PLA2G4A: variants seen among roughly 807,000 people sequenced by gnomAD.
The protein encoded by PLA2G4A is cytosolic phospholipase A2.
A neutral mutation model predicts 81.9 loss-of-function variants in PLA2G4A; 40 were observed. That is an observed-to-expected ratio of 0.49 (90% CI 0.38 to 0.64). The LOEUF is 0.64. PLA2G4A is among the 30% of genes least tolerant of loss of function. The probability of loss-of-function intolerance (pLI) is 0.00; values close to 1 mark genes in which losing one functional copy is unlikely to be tolerated. For missense variants in PLA2G4A, 715 were observed against 905.1 expected (o/e 0.79, Z 2.69); for synonymous variants, 302 against 296.9 (o/e 1.02, Z -0.18).
At chr1:186,849,742 C>T (rs1652308732) in intron 1 of PLA2G4A, among the ~76,000 whole-genome samples, 1 of 152,000 alleles carries the variant, frequency 6.6e-6, no homozygotes, top group South Asian at 2.1e-4. Context: ...ACTCTATTTC[C>T]AATTGTTTCT....
intron 7 of PLA2G4A, among the ~76,000 whole-genome samples, chr1:186,928,474 C>G (rs1394630421): frequency 6.6e-6 from 1 of 152,288 alleles, no homozygotes; most frequent in South Asian, 2.1e-4. Context: ...AATTCTCCAG[C>G]AGACTTCCCT....
chr1:186,938,235 A>G (rs1004278963), intron 8 of PLA2G4A, among the ~76,000 whole-genome samples: 16 of 152,192 alleles, frequency 1.1e-4, no homozygotes, highest in African/African-American at 3.9e-4. Flanking sequence ...CGAGTAATTA[A>G]TAGTCAGCAT....
chr1:186,831,762 C>A (rs1651599282), intron 1 of PLA2G4A, among the ~76,000 whole-genome samples: 1 of 152,000 alleles, frequency 6.6e-6, no homozygotes, highest in Admixed American at 6.6e-5. Flanking sequence ...ATCATTAATT[C>A]AATCAACAAA....
chr1:186,864,167 T>C (rs572398526), intron 2 of PLA2G4A, among the ~76,000 whole-genome samples: 8 of 152,332 alleles, frequency 5.3e-5, no homozygotes, highest in African/African-American at 1.9e-4. Flanking sequence ...TTCCATTGTG[T>C]ATATGTACCA....
At chr1:186,956,058 C>A in intron 13 of PLA2G4A, 44 bp from the exon 14 acceptor site, 2 of 1,584,100 alleles carry the variant, frequency 1.3e-6, no homozygotes, top group Admixed American at 1.7e-5. Flanking sequence ...CCTTTTTAAA[C>A]ATGTATTTTG....
chr1:186,832,820 CTT>C (rs1651642282), intron 1 of PLA2G4A, among the ~76,000 whole-genome samples: 1 of 151,996 alleles, frequency 6.6e-6, no homozygotes, highest in African/African-American at 2.4e-5. Flanking sequence ...TATTAAGAGT[CTT>C]AACAATATAG....
At chr1:186,931,833 A>T (rs556052447) in intron 7 of PLA2G4A, among the ~76,000 whole-genome samples, 66 of 152,210 alleles carry the variant, frequency 4.3e-4, no homozygotes, top group African/African-American at 1.5e-3. Flanking sequence ...CCTTCACCTA[A>T]ATTCATGCCT....
At chr1:186,894,824 T>G (rs12720536) in intron 5 of PLA2G4A, among the ~76,000 whole-genome samples, 31,027 of 152,186 alleles carry the variant, frequency 0.2, 3,797 homozygotes, top group Admixed American at 0.33. Context: ...GGTAAATAAT[T>G]TTGTACAGAA....
At chr1:186,978,788 G>A (rs1396390593) in intron 16 of PLA2G4A, among the ~76,000 whole-genome samples, 1 of 152,120 alleles carries the variant, frequency 6.6e-6, no homozygotes, top group Non-Finnish European at 1.5e-5. Flanking sequence ...TAGATGAGCT[G>A]GGGAACACTC....
chr1:186,919,322 C>T (rs1655260731), intron 7 of PLA2G4A, among the ~76,000 whole-genome samples: 1 of 152,130 alleles, frequency 6.6e-6, no homozygotes, highest in Non-Finnish European at 1.5e-5. Context: ...TACAGATGAC[C>T]TGCTTTCTTT....
At chr1:186,890,357 A>G (rs12143166) in intron 3 of PLA2G4A, among the ~76,000 whole-genome samples, 64,713 of 151,978 alleles carry the variant, frequency 0.43, 14,077 homozygotes, top group South Asian at 0.56. Flanking sequence ...TAGTGTGTCC[A>G]GTGCTGTAAG....
chr1:186,861,997 A>T (rs193067478), intron 2 of PLA2G4A, among the ~76,000 whole-genome samples: 1 of 149,472 alleles, frequency 6.7e-6, no homozygotes, highest in African/African-American at 2.4e-5. Context: ...ATTATATACC[A>T]ATGTAATATA....
chr1:186,965,437 G>C lies in PLA2G4A; in HGVS notation c.1608G>C (p.Glu536Asp). Residue 536 changes from glutamate to aspartate, a missense_variant, in exon 15 of 18, where the codon GAG becomes GAC. Coordinates refer to ENST00000367466, the MANE Select transcript of PLA2G4A (RefSeq NM_024420.3). ...CTGATGAATTTGAGCGAATATATGA[G>C]CCTCTGGATGTCAAAAGTAAAAAGA... is the stretch of plus-strand genomic sequence containing the variant. ...ADPDEFERIY[E>D]PLDVKSKKIH... The C allele has an allele frequency of 1.2e-6, 2 of 1,609,930 alleles. No individual in the cohort carries two copies. The highest frequency in any genetic ancestry group is 1.7e-6 in the Non-Finnish European group (2 of 1,176,272).
intron 13 of PLA2G4A, among the ~76,000 whole-genome samples, chr1:186,955,773 C>T (rs867529681): frequency 5.6e-5 from 7 of 125,422 alleles, no homozygotes; most frequent in East Asian, 2.4e-4. Flanking sequence ...CTTGCTCTGT[C>T]GTCAGGCTGG....
In PLA2G4A at chr1:186,838,564, C is replaced by T. The variant is rs116488702; in HGVS notation, c.-70+9529C>T. On this transcript the variant is annotated intron_variant, in intron 1 of 17. Transcript: ENST00000367466. ...CTTGGATTCATTACCTAGCCAGTTG[C>T]TAGGCCTCTTTGTACACTTCAGTGA... Among the ~76,000 whole-genome samples, 801 of 152,276 alleles carry T rather than the reference C, an allele frequency of 5.3e-3. 2 individuals carry two copies. Among genetic ancestry groups the T allele is most frequent in the Non-Finnish European group, 8.7e-3 (589 of 68,014 alleles).
intron 8 of PLA2G4A, among the ~76,000 whole-genome samples, chr1:186,938,573 A>G (rs1256093070): frequency 1.3e-5 from 2 of 152,208 alleles, no homozygotes; most frequent in Non-Finnish European, 2.9e-5. Context: ...TTGGGACAAC[A>G]TATTTTCTAC....
intron 5 of PLA2G4A, among the ~76,000 whole-genome samples, chr1:186,898,342 CAG>C (rs1558414414): frequency 6.6e-6 from 1 of 152,062 alleles, no homozygotes; most frequent in African/African-American, 2.4e-5. Flanking sequence ...TGTAAACAGA[CAG>C]ATAATAATAA....
intron 5 of PLA2G4A, among the ~76,000 whole-genome samples, chr1:186,902,341 C>G (rs977800964): frequency 6.6e-6 from 1 of 152,104 alleles, no homozygotes; most frequent in Non-Finnish European, 1.5e-5. Flanking sequence ...AGGCCATCAT[C>G]AATCATTCTA....
intron 1 of PLA2G4A, among the ~76,000 whole-genome samples, chr1:186,851,950 T>TTCTG (rs1652388047): frequency 6.6e-6 from 1 of 151,874 alleles, no homozygotes; most frequent in Non-Finnish European, 1.5e-5. Flanking sequence ...GACAGCATAG[T>TTCTG]AGAACAGAGG....
Sources: allele counts gnomAD v4.1 joint callset (sites outside exome capture counted in the v4.1 genomes callset), GRCh38; gene constraint gnomAD v4.1.1; transcripts MANE v1.5; gene names NCBI Gene and HGNC (gene_info 2026-07-23, HGNC 2026-07-21).